The following GPC6 variants were observed in gnomAD, a reference collection of about 807,000 sequenced individuals.
GPC6 encodes glypican-6.
A neutral mutation model predicts 55.2 loss-of-function variants in GPC6; 14 were observed. That is an observed-to-expected ratio of 0.25 (90% CI 0.17 to 0.40). The LOEUF (loss-of-function observed/expected upper bound fraction) is 0.40. Ranked by LOEUF, GPC6 falls within the 10% of genes least tolerant of loss-of-function variation. The pLI, the probability that GPC6 is intolerant of heterozygous loss-of-function variation, is 1.00. For missense variants in GPC6, 641 were observed against 708.5 expected, an observed-to-expected ratio of 0.90 and a Z score of 1.08; for synonymous variants, 278 against 259.6, an observed-to-expected ratio of 1.07 and a Z score of -0.68.
intron 1 of GPC6, among the ~76,000 whole-genome samples, chr13:93,290,999 C>T (rs894098324): frequency 2.6e-5 from 4 of 152,018 alleles, no homozygotes; most frequent in Non-Finnish European, 2.9e-5. Context: ...TTACTAATTA[C>T]GACTGATCAT....
intron 4 of GPC6, among the ~76,000 whole-genome samples, chr13:94,255,742 C>G (rs1392594744): frequency 2.0e-5 from 3 of 152,154 alleles, no homozygotes; most frequent in Non-Finnish European, 4.4e-5. Context: ...CAGGAGGGCT[C>G]TACAGCCTCG....
intron 4 of GPC6, among the ~76,000 whole-genome samples, chr13:94,254,714 C>A (rs570804806): frequency 2.0e-5 from 3 of 151,972 alleles, no homozygotes; most frequent in African/African-American, 7.2e-5. Context: ...TCAAAAAAAT[C>A]TCTTTTTTGG....
intron 2 of GPC6, among the ~76,000 whole-genome samples, chr13:93,687,872 C>G (rs751353222): frequency 2.8e-4 from 43 of 150,882 alleles, no homozygotes; most frequent in Non-Finnish European, 5.2e-4. Context: ...TATTTCAAAG[C>G]CTTAGGATTT....
At chr13:93,596,703 T>G (rs1566442051) in intron 2 of GPC6, among the ~76,000 whole-genome samples, 1 of 147,638 alleles carries the variant, frequency 6.8e-6, no homozygotes. Context: ...TAAGTATATA[T>G]AAGTGTGTAT....
chr13:93,240,230 C>T (rs1342352986), intron 1 of GPC6, among the ~76,000 whole-genome samples: 1 of 151,964 alleles, frequency 6.6e-6, no homozygotes, highest in African/African-American at 2.4e-5. Context: ...GTTGAAGTCC[C>T]CCACTATGAC....
At chr13:93,280,378 C>G (rs1246526790) in intron 1 of GPC6, among the ~76,000 whole-genome samples, 1 of 152,032 alleles carries the variant, frequency 6.6e-6, no homozygotes, top group Non-Finnish European at 1.5e-5. Flanking sequence ...AATAATGTAC[C>G]TGGTCAGCGG....
At chr13:94,307,143 T>TA (rs1439050540) in intron 6 of GPC6, among the ~76,000 whole-genome samples, 1 of 152,210 alleles carries the variant, frequency 6.6e-6, no homozygotes, top group Non-Finnish European at 1.5e-5. Flanking sequence ...TTTCTGTCTA[T>TA]AAAAATCAAA....
At chr13:93,305,317 C>T (rs1001214715) in intron 1 of GPC6, among the ~76,000 whole-genome samples, 2 of 151,974 alleles carry the variant, frequency 1.3e-5, no homozygotes, top group Non-Finnish European at 2.9e-5. Flanking sequence ...TGATGAGCAG[C>T]CTGCTTTGAG....
At chr13:93,362,317 C>A (rs1380505215) in intron 1 of GPC6, among the ~76,000 whole-genome samples, 2 of 152,128 alleles carry the variant, frequency 1.3e-5, no homozygotes, top group East Asian at 1.9e-4. Flanking sequence ...TGAATGTAAC[C>A]CTTTGCTTTT....
chr13:94,083,187 C>T (rs539077795), intron 4 of GPC6, among the ~76,000 whole-genome samples: 6 of 152,160 alleles, frequency 3.9e-5, no homozygotes, highest in South Asian at 2.1e-4. Context: ...GGTGCAATCT[C>T]GGGTCACTGC....
intron 1 of GPC6, among the ~76,000 whole-genome samples, chr13:93,431,533 T>C (rs772462872): frequency 6.6e-6 from 1 of 152,178 alleles, no homozygotes; most frequent in East Asian, 1.9e-4. Flanking sequence ...GAAAATTAAC[T>C]AAATTCCTAT....
chr13:93,935,942 C>T (rs1055286825), intron 3 of GPC6, among the ~76,000 whole-genome samples: 2 of 152,016 alleles, frequency 1.3e-5, no homozygotes, highest in Non-Finnish European at 2.9e-5. Flanking sequence ...TATCAGATTC[C>T]CTCTTGATGT....
At chr13:94,251,730 AC>A (rs200128106) in intron 4 of GPC6, among the ~76,000 whole-genome samples, 24,519 of 150,784 alleles carry the variant, frequency 0.16, 3,064 homozygotes, top group African/African-American at 0.34. Flanking sequence ...AAAAACAAAA[AC>A]AAAACAAACT....
intron 3 of GPC6, among the ~76,000 whole-genome samples, chr13:93,914,336 C>T (rs962852302): frequency 3.9e-5 from 6 of 151,932 alleles, no homozygotes; most frequent in Admixed American, 2.0e-4. Context: ...TTTGTCCTTG[C>T]GATAGTTTGC....
At chr13:94,388,740 T>C (rs1366765546) in intron 7 of GPC6, among the ~76,000 whole-genome samples, 4 of 152,170 alleles carry the variant, frequency 2.6e-5, no homozygotes, top group Non-Finnish European at 5.9e-5. Flanking sequence ...ACTGTAGCCT[T>C]AGAGAGACAG....
intron 2 of GPC6, among the ~76,000 whole-genome samples, chr13:93,630,895 G>A (rs2139571151): frequency 6.6e-6 from 1 of 152,210 alleles, no homozygotes; most frequent in South Asian, 2.1e-4. Context: ...GAGTGTGACT[G>A]TATTTGAAGA....
At chr13:93,723,116 G>A (rs140521066) in intron 2 of GPC6, among the ~76,000 whole-genome samples, 2 of 152,020 alleles carry the variant, frequency 1.3e-5, no homozygotes, top group East Asian at 3.9e-4. Flanking sequence ...AATAATCTTG[G>A]TAATTACTTT....
At chr13:93,472,773 A>G (rs1879168972) in intron 1 of GPC6, among the ~76,000 whole-genome samples, 1 of 152,180 alleles carries the variant, frequency 6.6e-6, no homozygotes, top group Non-Finnish European at 1.5e-5. Flanking sequence ...TAGCTTTGCC[A>G]TTCAGTAGGT....
rs764177445 is a variant in GPC6, at chr13:93,408,083, G to T, written c.161-137180G>T. 5.5e-4 allele frequency among the ~76,000 whole-genome samples: 84 copies of T among 152,070 alleles called. 1 individual carries two copies. Among genetic ancestry groups the T allele is most frequent in the Non-Finnish European group, 7.1e-4 (48 of 68,004 alleles). On this transcript the variant is annotated intron_variant, in intron 1 of 8. Transcript: ENST00000377047. ...TTTAAAAAAATCTATTTTCCTCCAA[G>T]ACTCTTAATTTCATTCTGGAAATAA...
Sources: gnomAD v4.1 joint callset for allele counts (sites outside exome capture counted in the v4.1 genomes callset) on GRCh38, gnomAD v4.1.1 for gene constraint, MANE v1.5 for transcripts, NCBI Gene and HGNC (gene_info 2026-07-23, HGNC 2026-07-21) for gene names.